The following TSPAN19 variants were observed in gnomAD, a reference collection of about 807,000 sequenced individuals.
TSPAN19 encodes tetraspanin 19, also known as tetraspanin-19.
TSPAN19 carries 44 observed loss-of-function variants against 35.1 expected under a neutral mutation model. The ratio of observed to expected loss-of-function variants is 1.25; its 90% CI spans 0.98 to 1.61. The LOEUF (loss-of-function observed/expected upper bound fraction) is 1.61. Among genes scored for constraint, TSPAN19 ranks in the 40% most tolerant of loss-of-function variants. TSPAN19 has a pLI of 0.00. For synonymous variants in TSPAN19, 79 were observed against 92.0 expected, an observed-to-expected ratio of 0.86 and a Z score of 0.81; for missense variants, 290 against 280.0, an observed-to-expected ratio of 1.04 and a Z score of -0.26.
At chr12:85,026,686 G>A (rs764674453) in intron 4 of TSPAN19, among the ~76,000 whole-genome samples, 164 of 152,116 alleles carry the variant, frequency 1.1e-3, no homozygotes, top group Non-Finnish European at 1.4e-3. Flanking sequence ...GAAGACTGAA[G>A]GAATGGAACT....
At chr12:85,031,029 T>G (rs1877659990) in intron 1 of TSPAN19, among the ~76,000 whole-genome samples, 1 of 152,126 alleles carries the variant, frequency 6.6e-6, no homozygotes, top group African/African-American at 2.4e-5. Context: ...ATTTGTTTAT[T>G]GAACTGAAGG....
intron 6 of TSPAN19, among the ~76,000 whole-genome samples, chr12:85,018,574 C>A (rs944889754): frequency 6.6e-6 from 1 of 151,762 alleles, no homozygotes; most frequent in Admixed American, 6.6e-5. Flanking sequence ...AATACATGTA[C>A]GGATCACATA....
chr12:85,030,046 T>C, intron 1 of TSPAN19, 73 bp from the exon 2 acceptor site: 2 of 1,149,574 alleles, frequency 1.7e-6, no homozygotes, highest in Non-Finnish European at 2.3e-6. Context: ...TTATGTTCTT[T>C]ATTTGCACAT....
At chr12:85,019,375 C>T (rs184497977) in intron 6 of TSPAN19, among the ~76,000 whole-genome samples, 20 of 152,012 alleles carry the variant, frequency 1.3e-4, no homozygotes, top group African/African-American at 4.8e-4. Context: ...TGGCAAAAGA[C>T]CAGCAGCACT....
At chr12:85,019,591 A>G in intron 6 of TSPAN19, 35 bp downstream of exon 6, 1 of 1,309,472 alleles carries the variant, frequency 7.6e-7, no homozygotes, top group Non-Finnish European at 1.1e-6. Context: ...AGTGGTCAAT[A>G]CTGACATCTA....
intron 1 of TSPAN19, among the ~76,000 whole-genome samples, chr12:85,030,285 A>T (rs1038086653): frequency 6.6e-6 from 1 of 152,148 alleles, no homozygotes; most frequent in Non-Finnish European, 1.5e-5. Context: ...AGTTTCAAAA[A>T]GTATAAGATA....
intron 2 of TSPAN19, 31 bp from the exon 3 acceptor site, chr12:85,029,822 T>G (rs1229544925): frequency 6.5e-7 from 1 of 1,531,944 alleles, no homozygotes; most frequent in African/African-American, 1.4e-5. Context: ...CTTATTTTTT[T>G]GTAATTGCCT....
chr12:85,019,254 A>G (rs192654298), intron 6 of TSPAN19, among the ~76,000 whole-genome samples: 14 of 152,030 alleles, frequency 9.2e-5, no homozygotes, highest in Admixed American at 2.6e-4. Context: ...CCACAAAGCT[A>G]TTGCACAGCA....
chr12:85,017,577 T>C lies in TSPAN19; in HGVS notation c.473A>G (p.Asn158Ser), dbSNP rs775132688. 10 of 1,585,902 alleles carry C rather than the reference T, an allele frequency of 6.3e-6. No individual in the cohort carries two copies. The African/African-American group carries it at 8.1e-5, about 13-fold the overall frequency. The change falls in exon 7 of 9, where the codon AAT becomes AGT. Residue 158 changes from asparagine (N) to serine (S), a missense_variant. Asn to Ser is a conservative substitution (Grantham distance 46, BLOSUM62 1). Coordinates refer to ENST00000532498, the MANE Select transcript of TSPAN19 (RefSeq NM_001100917.2). ...QKTLQCCGQH[N>S]YTDWIKNKNK... ...CTTATTCTTTATCCAGTCTGTGTAA[T>C]TATGTTGGCCACAACACTGTAACTA...
intron 8 of TSPAN19, chr12:85,015,622 A>G: frequency 4.0e-6 from 1 of 248,566 alleles, no homozygotes; most frequent in Non-Finnish European, 7.6e-6. Context: ...CTATTTATAG[A>G]TATATATAGA....
At chr12:85,025,594 T>G (rs1001938384) in intron 4 of TSPAN19, among the ~76,000 whole-genome samples, 4 of 150,972 alleles carry the variant, frequency 2.6e-5, no homozygotes, top group Non-Finnish European at 4.4e-5. Context: ...GGTGTGATCT[T>G]GGCTCACTGC....
chr12:85,027,792 C>T (rs924869940), intron 4 of TSPAN19, 107 bp downstream of exon 4: 4 of 1,109,956 alleles, frequency 3.6e-6, no homozygotes, highest in Non-Finnish European at 5.0e-6. Flanking sequence ...ACTCTAAGGA[C>T]ATACTCTACT....
chr12:85,028,386 A>C (rs1877525117), intron 3 of TSPAN19, among the ~76,000 whole-genome samples: 1 of 152,190 alleles, frequency 6.6e-6, no homozygotes, highest in Non-Finnish European at 1.5e-5. Context: ...AATCTTTAGA[A>C]CTTAATATGT....
At chr12:85,027,109 G>T (rs757032883) in intron 4 of TSPAN19, among the ~76,000 whole-genome samples, 4 of 152,146 alleles carry the variant, frequency 2.6e-5, no homozygotes, top group African/African-American at 4.8e-5. Context: ...TCATGTCCAA[G>T]TCAGTACTCT....
intron 6 of TSPAN19, among the ~76,000 whole-genome samples, chr12:85,018,180 T>C (rs1163566641): frequency 2.6e-5 from 4 of 151,892 alleles, no homozygotes; most frequent in Non-Finnish European, 5.9e-5. Context: ...TCTGGAATCC[T>C]ATCAAGCAGA....
At chr12:85,017,686 T>A (rs760488382) in intron 6 of TSPAN19, 87 bp from the exon 7 acceptor site, 2 of 979,574 alleles carry the variant, frequency 2.0e-6, no homozygotes, top group South Asian at 1.8e-5. Flanking sequence ...GTTTTTGTGA[T>A]GAAGATAACT....
intron 4 of TSPAN19, among the ~76,000 whole-genome samples, chr12:85,025,805 G>T (rs912641686): frequency 5.8e-3 from 1 of 172 alleles, no homozygotes; most frequent in Non-Finnish European, 0.019. Context: ...GATTACAGGC[G>T]TGAGCACCGC....
At chr12:85,019,852 T>C in intron 5 of TSPAN19, 116 bp from the exon 6 acceptor site, 2 of 557,468 alleles carry the variant, frequency 3.6e-6, no homozygotes, top group Non-Finnish European at 6.3e-6. Context: ...ATATTATTTT[T>C]CTGTTTTCTG....
chr12:85,023,744 G>T (rs1400578006), intron 4 of TSPAN19, among the ~76,000 whole-genome samples: 2 of 152,088 alleles, frequency 1.3e-5, no homozygotes, highest in Non-Finnish European at 2.9e-5. Flanking sequence ...TAAAACTAAA[G>T]ACTCACTAAA....
Sources: gnomAD v4.1 joint callset for allele counts (sites outside exome capture counted in the v4.1 genomes callset) on GRCh38, gnomAD v4.1.1 for gene constraint, MANE v1.5 for transcripts, NCBI Gene and HGNC (gene_info 2026-07-23, HGNC 2026-07-21) for gene names.